AKT3: variants seen among roughly 807,000 people sequenced by gnomAD.
AKT3 encodes the protein AKT serine/threonine kinase 3, also known as RAC-gamma serine/threonine-protein kinase.
Under a neutral mutation model 65.3 loss-of-function variants are expected in AKT3, and 15 were observed. That is an observed-to-expected ratio of 0.23 (90% confidence interval 0.15 to 0.35). AKT3 has a LOEUF of 0.35. Ranked by LOEUF, AKT3 falls within the 10% of genes least tolerant of loss-of-function variation. AKT3 has a pLI of 1.00. For missense variants in AKT3, 243 were observed against 576.5 expected (o/e 0.42, Z 5.92); for synonymous variants, 206 against 183.8 (o/e 1.12, Z -0.98).
chr1:243,514,031 A>G (rs753610180), intron 12 of AKT3, among the ~76,000 whole-genome samples: 65 of 152,082 alleles, frequency 4.3e-4, no homozygotes, highest in Non-Finnish European at 7.2e-4. Context: ...TTTTTTTTAG[A>G]AAACCAAGGG....
intron 2 of AKT3, among the ~76,000 whole-genome samples, chr1:243,720,473 A>G (rs1463546865): frequency 9.3e-5 from 14 of 151,336 alleles, no homozygotes; most frequent in Non-Finnish European, 1.3e-4. Context: ...AACATGAGCA[A>G]ATGTCAAAAT....
At chr1:243,650,582 T>C (rs1391223567) in intron 4 of AKT3, among the ~76,000 whole-genome samples, 7 of 152,198 alleles carry the variant, frequency 4.6e-5, no homozygotes, top group African/African-American at 1.4e-4. Flanking sequence ...TTGATTTTTG[T>C]ATAAGGTGTC....
intron 8 of AKT3, among the ~76,000 whole-genome samples, chr1:243,590,643 A>G (rs1229553690): frequency 6.6e-6 from 1 of 152,168 alleles, no homozygotes; most frequent in Non-Finnish European, 1.5e-5. Flanking sequence ...AAAACAAACA[A>G]CATCTAAAAT....
chr1:243,797,544 T>A (rs1352704533), intron 2 of AKT3, among the ~76,000 whole-genome samples: 1 of 152,170 alleles, frequency 6.6e-6, no homozygotes, highest in Non-Finnish European at 1.5e-5. Flanking sequence ...GAGAGAAAAC[T>A]TGCTATTTAT....
At chr1:243,623,281 C>G (rs1452003265) in intron 6 of AKT3, among the ~76,000 whole-genome samples, 1 of 152,124 alleles carries the variant, frequency 6.6e-6, no homozygotes, top group Non-Finnish European at 1.5e-5. Context: ...CCCTGGACAC[C>G]AAGGCTCAGG....
rs148839801 is a variant in AKT3 at position 243,798,947 on chromosome 1, G to A, written c.46+44178C>T. Among the ~76,000 whole-genome samples, 242 of 152,216 alleles carry A rather than the reference G, an allele frequency of 1.6e-3. 2 individuals carry two copies. The Middle Eastern group carries it at 0.027, about 17-fold the overall frequency. Reference sequence around the variant, plus strand: ...TTAGATGACTTAAATTCTGTTCATCGCTAAAGTATGAGTGGAAAGTGGGGT... The same window carrying A: ...TTAGATGACTTAAATTCTGTTCATCACTAAAGTATGAGTGGAAAGTGGGGT... On this transcript the variant is annotated intron_variant, in intron 2 of 13. Coordinates refer to ENST00000673466, the MANE Select transcript of AKT3 (RefSeq NM_005465.7).
intron 8 of AKT3, among the ~76,000 whole-genome samples, chr1:243,576,874 T>C (rs954639659): frequency 6.6e-6 from 1 of 152,126 alleles, no homozygotes; most frequent in Non-Finnish European, 1.5e-5. Context: ...AGAAAAAAAC[T>C]ATTTTAAAAT....
chr1:243,712,971 T>A (rs772269476), intron 2 of AKT3, among the ~76,000 whole-genome samples: 17 of 152,150 alleles, frequency 1.1e-4, no homozygotes, highest in Non-Finnish European at 2.2e-4. Flanking sequence ...TATGTACTGA[T>A]CAAAAAGGCC....
chr1:243,699,493 A>C (rs1450831475), intron 2 of AKT3, among the ~76,000 whole-genome samples: 1 of 50,910 alleles, frequency 2.0e-5, no homozygotes, highest in Non-Finnish European at 4.5e-5. Flanking sequence ...ATATATATAT[A>C]TATATATATA....
rs761324774 is a variant in AKT3 at position 243,637,583 on chromosome 1, T to C, written c.561+28A>G. On this transcript the variant is annotated intron_variant, in intron 6 of 13. Transcript: ENST00000673466. ...CACATGCACACTGCAAACAAAAATT[T>C]AGTAATCAACTTTAATAAATCAGTT... 5.9e-5 allele frequency: 93 copies of C among 1,565,598 alleles called. No homozygotes were observed. The Admixed American group carries it at 1.5e-3, about 25-fold the overall frequency.
At position 243,500,575 on chromosome 1, in the gene AKT3, CG is replaced by C. The variant is rs1401626482; in HGVS notation, c.*4673del. On this transcript the variant is annotated 3_prime_UTR_variant, in exon 14 of 14. Coordinates refer to ENST00000673466, the MANE Select transcript of AKT3 (RefSeq NM_005465.7). ...CTCAAATGCTTTAAAGTAATAAAAACGGACACTGGACATACCGTGTTGTATC... is the reference window on the plus strand; with the variant it reads ...CTCAAATGCTTTAAAGTAATAAAAACGACACTGGACATACCGTGTTGTATC... 4.4e-6 allele frequency: 1 copy of C among 228,238 alleles called. No homozygotes were observed. The highest frequency in any genetic ancestry group is 8.7e-6 in the Non-Finnish European group (1 of 115,102). The allele number at this position is 228,238 out of a possible 1,614,324, so 14.1% of individuals were successfully genotyped here.
intron 2 of AKT3, among the ~76,000 whole-genome samples, chr1:243,811,993 C>A (rs1223344941): frequency 7.2e-5 from 11 of 152,146 alleles, no homozygotes; most frequent in Non-Finnish European, 1.0e-4. Context: ...AACTGGATCC[C>A]TTCCTTACAT....
At chr1:243,550,663 C>T (rs972727966) in intron 11 of AKT3, among the ~76,000 whole-genome samples, 1 of 151,314 alleles carries the variant, frequency 6.6e-6, no homozygotes, top group African/African-American at 2.4e-5. Context: ...AGATAAAAGT[C>T]GGCTGGACAC....
chr1:243,507,037 AT>A (rs1170849844), intron 13 of AKT3, among the ~76,000 whole-genome samples: 1 of 152,230 alleles, frequency 6.6e-6, no homozygotes, highest in African/African-American at 2.4e-5. Flanking sequence ...AGCCAATCAC[AT>A]TTCAAATAAA....
At chr1:243,497,808 C>G (rs920506813), downstream of AKT3, among the ~76,000 whole-genome samples, 1 of 152,094 alleles carries the variant, frequency 6.6e-6, no homozygotes, top group Non-Finnish European at 1.5e-5. Flanking sequence ...CCTTTTGAGT[C>G]GCTGGGACTA....
intron 13 of AKT3, among the ~76,000 whole-genome samples, chr1:243,507,534 T>C (rs181540604): frequency 1.3e-5 from 2 of 152,084 alleles, no homozygotes; most frequent in African/African-American, 4.8e-5. Context: ...GGGGCTGCGG[T>C]GGGAGGGGAG....
intron 2 of AKT3, among the ~76,000 whole-genome samples, chr1:243,820,838 G>A (rs947457043): frequency 6.6e-6 from 1 of 152,122 alleles, no homozygotes; most frequent in African/African-American, 2.4e-5. Context: ...GGGGAAAATG[G>A]AACCAAGTTG....
At chr1:243,612,288 TA>T (rs1376491355) in intron 8 of AKT3, among the ~76,000 whole-genome samples, 8 of 151,860 alleles carry the variant, frequency 5.3e-5, no homozygotes, top group Non-Finnish European at 8.8e-5. Flanking sequence ...GTAATTTTTT[TA>T]TTTTTTGTAG....
intron 2 of AKT3, among the ~76,000 whole-genome samples, chr1:243,717,057 T>C (rs1380702602): frequency 1.3e-5 from 2 of 152,174 alleles, no homozygotes; most frequent in South Asian, 2.1e-4. Context: ...CCTGGATGGA[T>C]CTCAGTCTGT....
Sources: allele counts gnomAD v4.1 joint callset (sites outside exome capture counted in the v4.1 genomes callset), GRCh38; gene constraint gnomAD v4.1.1; transcripts MANE v1.5; gene names NCBI Gene and HGNC (gene_info 2026-07-23, HGNC 2026-07-21).